The following KIAA1549L variants were observed in gnomAD, a reference collection of about 807,000 sequenced individuals.
KIAA1549L encodes KIAA1549 like.
In KIAA1549L, 88 loss-of-function variants were observed where a neutral mutation model predicts 160.7. That is an observed-to-expected ratio of 0.55 (90% CI 0.46 to 0.65). The LOEUF (loss-of-function observed/expected upper bound fraction) is 0.65, where lower values mean the gene tolerates loss of function less well. Ranked by LOEUF, KIAA1549L falls within the 30% of genes least tolerant of loss-of-function variation. The pLI, the probability that KIAA1549L is intolerant of heterozygous loss-of-function variation, is 0.00. For synonymous variants in KIAA1549L, 950 were observed against 976.7 expected (o/e 0.97, Z 0.51); for missense variants, 2,258 against 2,437.5 (o/e 0.93, Z 1.55).
intron 1 of KIAA1549L, among the ~76,000 whole-genome samples, chr11:33,492,546 C>CTTGGAAT (rs1852701912): frequency 6.6e-6 from 1 of 152,134 alleles, no homozygotes; most frequent in African/African-American, 2.4e-5. Flanking sequence ...GAATTTCGCA[C>CTTGGAAT]AGGTAATAGT....
At chr11:33,401,411 C>T (rs552391300) in intron 1 of KIAA1549L, among the ~76,000 whole-genome samples, 128 of 151,156 alleles carry the variant, frequency 8.5e-4, no homozygotes, top group South Asian at 6.0e-3. Flanking sequence ...GGTTCCCCAT[C>T]AGTATCATTT....
At chr11:33,617,975 A>G (rs1401221505) in intron 15 of KIAA1549L, among the ~76,000 whole-genome samples, 1 of 152,148 alleles carries the variant, frequency 6.6e-6, no homozygotes, top group Non-Finnish European at 1.5e-5. Flanking sequence ...GGATGAATGG[A>G]TAAGCCCCAA....
At chr11:33,545,407 C>T in intron 3 of KIAA1549L, 29 bp downstream of exon 3, 1 of 1,577,762 alleles carries the variant, frequency 6.3e-7, no homozygotes, top group Non-Finnish European at 8.6e-7. Context: ...GATCTGAAAG[C>T]AGCAAGCCTG....
At chr11:33,566,803 T>C (rs1403477221) in intron 8 of KIAA1549L, among the ~76,000 whole-genome samples, 2 of 152,226 alleles carry the variant, frequency 1.3e-5, no homozygotes, top group Non-Finnish European at 2.9e-5. Context: ...TTCCATATCC[T>C]GGTAGGTGGA....
intron 17 of KIAA1549L, among the ~76,000 whole-genome samples, chr11:33,654,046 C>G (rs1166448265): frequency 6.6e-6 from 1 of 152,076 alleles, no homozygotes; most frequent in Non-Finnish European, 1.5e-5. Context: ...GATCTCGGCC[C>G]ACTGCAACCC....
In KIAA1549L at chr11:33,467,702, G is replaced by A. The variant is rs145580353; in HGVS notation, c.239-74100G>A. On this transcript the variant is annotated intron_variant, in intron 1 of 20. Transcript: ENST00000658780. ...ATAGTAGATTCCATTTTTGTTTCTA[G>A]ATCAGCATTAGGGAAAATCTGTGAG... Among the ~76,000 whole-genome samples the A allele has an allele frequency of 9.9e-3, 1,514 of 152,266 alleles. 20 individuals carry two copies. The highest frequency in any genetic ancestry group is 0.037 in the South Asian group (177 of 4,830).
At chr11:33,381,416 G>A (rs1290236507) in intron 1 of KIAA1549L, among the ~76,000 whole-genome samples, 2 of 152,176 alleles carry the variant, frequency 1.3e-5, no homozygotes, top group African/African-American at 2.4e-5. Context: ...CAGGCTGTGG[G>A]AAAAGCAAGT....
In KIAA1549L at chr11:33,543,382, G is replaced by T. The variant is rs1223568217; in HGVS notation, c.1819G>T (p.Val607Phe). ...GFVSDFSTGSVSSPIITAPRT... is the reference protein window; with the variant it reads ...GFVSDFSTGSFSSPIITAPRT... ...TGTCTCTGATTTCAGCACCGGTAGT[G>T]TCTCATCTCCCATCATTACAGCACC... The change falls in exon 2 of 21, where the codon GTC becomes TTC. Residue 607 changes from valine to phenylalanine, a missense_variant. Transcript: ENST00000658780. The T allele has an allele frequency of 1.2e-6, 2 of 1,613,898 alleles. No individual in the cohort carries two copies. Among genetic ancestry groups the T allele is most frequent in the Non-Finnish European group, 1.7e-6 (2 of 1,179,906 alleles).
At chr11:33,434,074 C>A (rs1004881425) in intron 1 of KIAA1549L, among the ~76,000 whole-genome samples, 179 of 148,184 alleles carry the variant, frequency 1.2e-3, no homozygotes, top group Middle Eastern at 0.011. Context: ...GAAATAAAGC[C>A]CCCCCCGCCA....
intron 19 of KIAA1549L, among the ~76,000 whole-genome samples, chr11:33,659,738 A>G (rs748669861): frequency 4.6e-5 from 7 of 152,194 alleles, no homozygotes; most frequent in Non-Finnish European, 7.3e-5. Context: ...TCCTGGGAGG[A>G]AAACACCTGA....
chr11:33,407,062 C>T (rs201202386), intron 1 of KIAA1549L, among the ~76,000 whole-genome samples: 1 of 149,318 alleles, frequency 6.7e-6, no homozygotes, highest in Non-Finnish European at 1.5e-5. Context: ...ATGTGGAGTT[C>T]AGTCCTTTTT....
At chr11:33,561,005 G>A (rs1449969967) in intron 7 of KIAA1549L, among the ~76,000 whole-genome samples, 1 of 152,140 alleles carries the variant, frequency 6.6e-6, no homozygotes, top group South Asian at 2.1e-4. Context: ...AAACAACTAC[G>A]ATTTATTGAG....
intron 1 of KIAA1549L, among the ~76,000 whole-genome samples, chr11:33,515,885 A>G (rs1472503251): frequency 6.6e-6 from 1 of 152,192 alleles, no homozygotes; most frequent in Non-Finnish European, 1.5e-5. Flanking sequence ...ACCTTTGGCA[A>G]GTCACTCAAG....
chr11:33,393,056 G>A (rs901431223), intron 1 of KIAA1549L, among the ~76,000 whole-genome samples: 1 of 151,970 alleles, frequency 6.6e-6, no homozygotes, highest in South Asian at 2.1e-4. Flanking sequence ...AATATAAATC[G>A]GCCCAAACCT....
chr11:33,489,670 G>T (rs1590283081), intron 1 of KIAA1549L, among the ~76,000 whole-genome samples: 1 of 152,280 alleles, frequency 6.6e-6, no homozygotes, highest in East Asian at 1.9e-4. Context: ...GATTCAAATG[G>T]GCAAAAGGAA....
At chr11:33,407,181 T>C in intron 1 of KIAA1549L, among the ~76,000 whole-genome samples, 1 of 139,614 alleles carries the variant, frequency 7.2e-6, no homozygotes, top group East Asian at 2.4e-4. Context: ...GCCTCCCGGG[T>C]TCACGCCATT....
At chr11:33,629,599 A>G (rs1266924600) in intron 16 of KIAA1549L, among the ~76,000 whole-genome samples, 1 of 151,378 alleles carries the variant, frequency 6.6e-6, no homozygotes, top group Non-Finnish European at 1.5e-5. Context: ...AGGCTTCTGC[A>G]TTCTTCACGT....
chr11:33,544,991 G>C lies in KIAA1549L; in HGVS notation c.2998G>C (p.Val1000Leu). ...TGGCCCAAAGAGGACACCAGGGGCA[G>C]TCCATACAGCCTTCCCATTCACACC... is the stretch of plus-strand genomic sequence containing the variant. ...ASGPKRTPGA[V>L]HTAFPFTPTY... Residue 1000 changes from valine (V) to leucine (L), a missense_variant, in exon 3 of 21, where the codon GTC (valine) becomes CTC (leucine). Physicochemically the swap from Val to Leu is conservative, Grantham distance 32. Transcript: ENST00000658780. 1 of 1,614,008 alleles carries C rather than the reference G, an allele frequency of 6.2e-7. No individual in the cohort carries two copies. The highest frequency in any genetic ancestry group is 8.5e-7 in the Non-Finnish European group (1 of 1,179,878).
intron 1 of KIAA1549L, among the ~76,000 whole-genome samples, chr11:33,417,758 T>C (rs1371690557): frequency 2.0e-5 from 3 of 151,692 alleles, no homozygotes; most frequent in Admixed American, 6.6e-5. Context: ...TTTCCTTCCT[T>C]CCTTCTGTCC....
Sources: gnomAD v4.1 joint callset for allele counts (sites outside exome capture counted in the v4.1 genomes callset) on GRCh38, gnomAD v4.1.1 for gene constraint, MANE v1.5 for transcripts, NCBI Gene and HGNC (gene_info 2026-07-23, HGNC 2026-07-21) for gene names.